ARHGEF38: variants seen among roughly 807,000 people sequenced by gnomAD.
The protein encoded by ARHGEF38 is Rho guanine nucleotide exchange factor 38, also known as Rho guanine nucleotide exchange factor (GEF) 38.
Under a neutral mutation model 79.9 loss-of-function variants are expected in ARHGEF38, and 79 were observed. The ratio of observed to expected loss-of-function variants is 0.99; its 90% confidence interval spans 0.82 to 1.19. The LOEUF is 1.19. Ranked by LOEUF, ARHGEF38 falls within the 50% of genes most tolerant of loss-of-function variation. The probability of loss-of-function intolerance (pLI) is 0.00; values close to 1 mark genes in which losing one functional copy is unlikely to be tolerated. For missense variants in ARHGEF38, 962 were observed against 907.2 expected, an observed-to-expected ratio of 1.06 and a Z score of -0.78; for synonymous variants, 366 against 328.3, an observed-to-expected ratio of 1.11 and a Z score of -1.24.
chr4:105,621,707 C>T (rs1728741308), intron 3 of ARHGEF38, among the ~76,000 whole-genome samples: 1 of 152,104 alleles, frequency 6.6e-6, no homozygotes, highest in South Asian at 2.1e-4. Flanking sequence ...CATTGGAGCT[C>T]ACTTAAATGA....
chr4:105,651,919 A>C (rs551149780), intron 7 of ARHGEF38, among the ~76,000 whole-genome samples: 17 of 152,148 alleles, frequency 1.1e-4, no homozygotes, highest in Non-Finnish European at 2.4e-4. Flanking sequence ...TTCTAAACAT[A>C]TTGTTTTCAT....
At chr4:105,561,449 G>GGAATGGAATAGAATA in intron 1 of ARHGEF38, 1 of 45,616 alleles carries the variant, frequency 2.2e-5, no homozygotes, top group East Asian at 5.6e-4. Context: ...AGAATAGAAT[G>GGAATGGAATAGAATA]GAATAGAATA....
chr4:105,660,359 T>C (rs1365987557), intron 10 of ARHGEF38, among the ~76,000 whole-genome samples: 1 of 152,214 alleles, frequency 6.6e-6, no homozygotes, highest in Non-Finnish European at 1.5e-5. Context: ...ATATTATATA[T>C]ACCATTCTGC....
At chr4:105,621,854 G>T (rs932744657) in intron 3 of ARHGEF38, among the ~76,000 whole-genome samples, 3 of 152,216 alleles carry the variant, frequency 2.0e-5, no homozygotes, top group African/African-American at 7.2e-5. Flanking sequence ...TATGAGGTCA[G>T]TGCGGAGGTT....
chr4:105,649,622 G>A (rs1475277089), intron 7 of ARHGEF38, among the ~76,000 whole-genome samples: 1 of 152,072 alleles, frequency 6.6e-6, no homozygotes, highest in Non-Finnish European at 1.5e-5. Context: ...TATCACTCAT[G>A]TATTAATATC....
At chr4:105,598,814 A>G (rs565478171) in intron 2 of ARHGEF38, among the ~76,000 whole-genome samples, 2 of 152,150 alleles carry the variant, frequency 1.3e-5, no homozygotes, top group African/African-American at 4.8e-5. Context: ...ACTCAATAAA[A>G]TTTTTCTTGA....
At chr4:105,640,444 T>C (rs1215821558) in intron 5 of ARHGEF38, among the ~76,000 whole-genome samples, 1 of 152,138 alleles carries the variant, frequency 6.6e-6, no homozygotes, top group Non-Finnish European at 1.5e-5. Flanking sequence ...CTAAGTCATC[T>C]TTCAAGACAA....
Position 105,552,848 on chromosome 4 carries a change from T to A in ARHGEF38, c.83T>A (p.Met28Lys). 6.2e-7 allele frequency: 1 copy of A among 1,613,934 alleles called. No individual in the cohort carries two copies. Among genetic ancestry groups the A allele is most frequent in the East Asian group, 2.2e-5 (1 of 44,882 alleles). Reference protein sequence around the residue: ...NLAFLRSRLYMLERRKTDTVV... With the variant: ...NLAFLRSRLYKLERRKTDTVV... Reference sequence around the variant, plus strand: ...GCCTTCTTGAGGTCTAGACTCTATATGCTGGAGAGAAGGAAGACTGACACT... The same window carrying A: ...GCCTTCTTGAGGTCTAGACTCTATAAGCTGGAGAGAAGGAAGACTGACACT... Residue 28 changes from methionine (M) to lysine (K), a missense_variant, in exon 1 of 14, where the codon ATG becomes AAG. Met to Lys is a moderately conservative substitution (Grantham distance 95, BLOSUM62 -1). Transcript: ENST00000420470.
chr4:105,586,199 G>A (rs1463188851), intron 1 of ARHGEF38, among the ~76,000 whole-genome samples: 3 of 140,998 alleles, frequency 2.1e-5, no homozygotes, highest in African/African-American at 8.4e-5. Flanking sequence ...AAAACAAAAT[G>A]TGTCCACAAT....
intron 2 of ARHGEF38, among the ~76,000 whole-genome samples, chr4:105,590,273 T>G (rs1032841868): frequency 1.3e-5 from 2 of 151,904 alleles, no homozygotes; most frequent in African/African-American, 2.4e-5. Context: ...AACAGAATGG[T>G]CCAGGCAAAG....
At chr4:105,606,899 T>A (rs2110483120) in intron 2 of ARHGEF38, among the ~76,000 whole-genome samples, 1 of 152,264 alleles carries the variant, frequency 6.6e-6, no homozygotes, top group South Asian at 2.1e-4. Flanking sequence ...TGACTGTATT[T>A]TCTTTCTTTT....
chr4:105,554,772 C>G (rs1355480248), intron 1 of ARHGEF38, among the ~76,000 whole-genome samples: 1 of 151,926 alleles, frequency 6.6e-6, no homozygotes, highest in Non-Finnish European at 1.5e-5. Flanking sequence ...ATCTAGTATA[C>G]TGGCTGATAA....
At chr4:105,601,104 A>G (rs1727802299) in intron 2 of ARHGEF38, among the ~76,000 whole-genome samples, 1 of 151,978 alleles carries the variant, frequency 6.6e-6, no homozygotes, top group South Asian at 2.1e-4. Flanking sequence ...CCCTCCAATG[A>G]CTTCCCCTCT....
chr4:105,573,772 A>G (rs1726351299), intron 1 of ARHGEF38, among the ~76,000 whole-genome samples: 1 of 151,876 alleles, frequency 6.6e-6, no homozygotes, highest in South Asian at 2.1e-4. Flanking sequence ...AAAAATTGGA[A>G]TTTTGATAAA....
chr4:105,666,455 A>G, intron 11 of ARHGEF38, 135 bp downstream of exon 11: 1 of 1,073,512 alleles, frequency 9.3e-7, no homozygotes, highest in Non-Finnish European at 1.3e-6. Context: ...AATTTCTTGT[A>G]CATTTCTATC....
chr4:105,612,585 A>G (rs73837070), intron 2 of ARHGEF38, among the ~76,000 whole-genome samples: 2,378 of 152,202 alleles, frequency 0.016, 64 homozygotes, highest in African/African-American at 0.054. Flanking sequence ...TCCAACTTAA[A>G]CTAAAGGGAA....
rs796392567 is a variant in ARHGEF38, at chr4:105,645,361, A to G, written c.848A>G (p.Asn283Ser). Residue 283 changes from asparagine to serine, a missense_variant, in exon 6 of 14, where the codon AAT (asparagine) becomes AGT (serine). Asn to Ser is a conservative substitution (Grantham distance 46). Transcript: ENST00000420470. ...GTGAAGGACATTAATGTTAACATCA[A>G]TGAACTTAAAAGAAGGAAAGATTTA... is the stretch of plus-strand genomic sequence containing the variant. ...AAVKDINVNI[N>S]ELKRRKDLVL... 2.0e-6 allele frequency: 3 copies of G among 1,526,638 alleles called. No homozygotes were observed. The highest frequency in any genetic ancestry group is 1.4e-5 in the African/African-American group (1 of 72,590). The allele number at this position is 1,526,638 out of a possible 1,614,324, so 94.6% of individuals were successfully genotyped here. A position where few individuals can be genotyped will look rare whatever the true frequency, so the allele number is the denominator to read the frequency against.
chr4:105,655,668 T>C lies in ARHGEF38; in HGVS notation c.1179T>C (p.Asp393=). The change falls in exon 9 of 14, where the codon GAT becomes GAC. Residue 393 remains aspartate, a synonymous_variant. Transcript: ENST00000420470. The part of the protein sequence containing the change: ...DLQEISYNKD[D]EMDYSETLSN... Reference sequence around the variant, plus strand: ...AGGAGATTTCATACAACAAAGACGATGAGATGGACTATTCTGAGACCCTAA... The same window carrying C: ...AGGAGATTTCATACAACAAAGACGACGAGATGGACTATTCTGAGACCCTAA... 2.0e-6 allele frequency: 3 copies of C among 1,534,712 alleles called. No individual in the cohort carries two copies. The highest frequency in any genetic ancestry group is 1.4e-5 in the African/African-American group (1 of 73,114).
chr4:105,607,276 G>A (rs1162489872), intron 2 of ARHGEF38, among the ~76,000 whole-genome samples: 1 of 152,116 alleles, frequency 6.6e-6, no homozygotes, highest in African/African-American at 2.4e-5. Flanking sequence ...AAATATCCAT[G>A]TAATTGTTTT....
Sources: gnomAD v4.1 joint callset for allele counts (sites outside exome capture counted in the v4.1 genomes callset) on GRCh38, gnomAD v4.1.1 for gene constraint, MANE v1.5 for transcripts, NCBI Gene and HGNC (gene_info 2026-07-23, HGNC 2026-07-21) for gene names.